The following TNIP3 variants were observed in gnomAD, a reference collection of about 807,000 sequenced individuals.
TNIP3 encodes the protein TNFAIP3-interacting protein 3.
TNIP3 carries 34 observed loss-of-function variants against 54.1 expected under a neutral mutation model. The observed-to-expected ratio is 0.63, with a 90% CI of 0.48 to 0.84. The LOEUF is 0.84. Ranked by LOEUF, TNIP3 falls within the 40% of genes least tolerant of loss-of-function variation. TNIP3 has a pLI of 0.00. For missense variants in TNIP3, 366 were observed against 387.6 expected (o/e 0.94, Z 0.47); for synonymous variants, 134 against 136.8 (o/e 0.98, Z 0.14).
At position 121,157,310 on chromosome 4, in the gene TNIP3, C is replaced by A; in HGVS notation, c.214-67G>T. On this transcript the variant is annotated intron_variant, in intron 3 of 10. Coordinates refer to ENST00000057513, the MANE Select transcript of TNIP3 (RefSeq NM_024873.6). ...AAGCTCACAAGCCCCTGGATTTATT[C>A]CCAGGCTATGAACTTTGGCAGAAAC... 3.1e-6 allele frequency: 5 copies of A among 1,605,540 alleles called. No individual in the cohort carries two copies. In the South Asian group the frequency reaches 5.5e-5, roughly 18 times the overall value.
intron 2 of TNIP3, among the ~76,000 whole-genome samples, chr4:121,183,773 C>T (rs148976858): frequency 0.019 from 2,812 of 151,994 alleles, 60 homozygotes; most frequent in Admixed American, 0.029. Flanking sequence ...CTGCCTGCTC[C>T]TTATGAGAAT....
chr4:121,142,580 G>C, intron 8 of TNIP3, 146 bp downstream of exon 8: 2 of 718,466 alleles, frequency 2.8e-6, no homozygotes, highest in South Asian at 1.8e-5. Flanking sequence ...CCTAAGCACT[G>C]TCTATCCGTT....
At chr4:121,190,712 G>A (rs899027410) in intron 2 of TNIP3, among the ~76,000 whole-genome samples, 4 of 152,112 alleles carry the variant, frequency 2.6e-5, no homozygotes, top group African/African-American at 9.7e-5. Context: ...GCCATAGTCA[G>A]GCCAATACTC....
rs751013714 is a variant in TNIP3, at chr4:121,154,597, T to G, written c.446A>C (p.Asn149Thr). ...ACATTCGTAATGTTCCTTTTCCTTG[T>G]TCGCAAGAGTATTTTTTCCCTTTAA... The part of the protein sequence containing the change: ...KLLKGKNTLA[N>T]KEKEHYECEI... The change falls in exon 5 of 11, where the codon AAC becomes ACC. Residue 149 changes from asparagine (N) to threonine (T), a missense_variant. Transcript: ENST00000057513. 2.7e-5 allele frequency: 44 copies of G among 1,613,842 alleles called. No homozygotes were observed. The highest frequency in any genetic ancestry group is 3.6e-5 in the Non-Finnish European group (43 of 1,179,988).
intron 3 of TNIP3, among the ~76,000 whole-genome samples, chr4:121,173,787 C>G (rs1366310898): frequency 6.6e-6 from 1 of 152,094 alleles, no homozygotes; most frequent in Non-Finnish European, 1.5e-5. Context: ...TGTCACCATG[C>G]CCAGCTAATT....
At chr4:121,192,178 G>C (rs1725339638) in intron 2 of TNIP3, among the ~76,000 whole-genome samples, 1 of 152,114 alleles carries the variant, frequency 6.6e-6, no homozygotes, top group Non-Finnish European at 1.5e-5. Context: ...ACAAAAAAGA[G>C]ATGCCGAGCC....
upstream of TNIP3, chr4:121,227,475 A>C: frequency 8.4e-7 from 1 of 1,189,448 alleles, no homozygotes; most frequent in Non-Finnish European, 1.2e-6. Context: ...TTTGAATCAA[A>C]CAGTAACTAA....
chr4:121,225,547 C>T (rs1165741174), intron 1 of TNIP3, among the ~76,000 whole-genome samples: 4 of 152,168 alleles, frequency 2.6e-5, no homozygotes, highest in South Asian at 4.1e-4. Context: ...CAACTCCAAA[C>T]AGATGGGAGT....
upstream of TNIP3, among the ~76,000 whole-genome samples, chr4:121,218,077 A>G (rs1230122403): frequency 1.3e-5 from 2 of 152,198 alleles, no homozygotes; most frequent in African/African-American, 4.8e-5. Flanking sequence ...TATACAGAGG[A>G]AATTTTAAGT....
intron 2 of TNIP3, chr4:121,192,903 C>T (rs1373267119): frequency 2.6e-5 from 4 of 152,146 alleles, no homozygotes; most frequent in Non-Finnish European, 5.9e-5. Flanking sequence ...GAAGTGAGCA[C>T]AATTATTTAT....
chr4:121,152,953 AAAGT>A (rs1729849350), intron 5 of TNIP3, among the ~76,000 whole-genome samples: 2 of 152,164 alleles, frequency 1.3e-5, no homozygotes, highest in Non-Finnish European at 2.9e-5. Context: ...GAAAACAAAT[AAAGT>A]CATAAAAGTT....
At chr4:121,208,715 T>C (rs1188969084) in intron 2 of TNIP3, among the ~76,000 whole-genome samples, 1 of 152,146 alleles carries the variant, frequency 6.6e-6, no homozygotes, top group Non-Finnish European at 1.5e-5. Flanking sequence ...TGTGATATAA[T>C]AAAAAATACA....
chr4:121,132,651 C>A lies in TNIP3; in HGVS notation c.958G>T (p.Val320Leu). The part of the protein sequence containing the change: ...VQHKANGLSS[V>L]KKVHP ...TACTTCTACGGATGGACTTTCTTTACTGAGGATAAACCTATGGAAAACAGT... is the reference window on the plus strand; with the variant it reads ...TACTTCTACGGATGGACTTTCTTTAATGAGGATAAACCTATGGAAAACAGT... Residue 320 changes from valine to leucine, a missense_variant, in exon 11 of 11, where the codon GTA (valine) becomes TTA (leucine). Coordinates refer to ENST00000057513, the MANE Select transcript of TNIP3 (RefSeq NM_024873.6). 6.2e-7 allele frequency: 1 copy of A among 1,612,414 alleles called. No homozygotes were observed. Among genetic ancestry groups the A allele is most frequent in the Non-Finnish European group, 8.5e-7 (1 of 1,178,822 alleles).
intron 9 of TNIP3, among the ~76,000 whole-genome samples, chr4:121,140,468 T>G (rs558025151): frequency 2.0e-5 from 3 of 152,218 alleles, no homozygotes; most frequent in Non-Finnish European, 4.4e-5. Flanking sequence ...TTAATTGACA[T>G]GGACTGTTTG....
intron 2 of TNIP3, among the ~76,000 whole-genome samples, chr4:121,202,087 A>T (rs1579485976): frequency 1.3e-5 from 2 of 152,174 alleles, no homozygotes; most frequent in Admixed American, 1.3e-4. Context: ...CCAAAAAAAG[A>T]GCCCACACAG....
At chr4:121,169,528 G>C (rs1004495192) in intron 3 of TNIP3, among the ~76,000 whole-genome samples, 2 of 152,020 alleles carry the variant, frequency 1.3e-5, no homozygotes, top group African/African-American at 4.8e-5. Context: ...AGCAACTTTT[G>C]TGTGTTGTGT....
chr4:121,218,871 T>C (rs1726916800), upstream of TNIP3, among the ~76,000 whole-genome samples: 1 of 152,038 alleles, frequency 6.6e-6, no homozygotes, highest in Non-Finnish European at 1.5e-5. Context: ...TATAGCCACA[T>C]AAAATTTCTG....
chr4:121,221,973 C>T (rs1480168985), intron 1 of TNIP3, among the ~76,000 whole-genome samples: 1 of 152,188 alleles, frequency 6.6e-6, no homozygotes, highest in East Asian at 1.9e-4. Context: ...AACCAGGAGT[C>T]AGGAGACTAA....
intron 7 of TNIP3, among the ~76,000 whole-genome samples, chr4:121,144,562 C>T (rs1729320511): frequency 6.6e-6 from 1 of 152,162 alleles, no homozygotes; most frequent in African/African-American, 2.4e-5. Context: ...CCACCATGCC[C>T]AGCTAATTTT....
Sources: allele counts gnomAD v4.1 joint callset (sites outside exome capture counted in the v4.1 genomes callset), GRCh38; gene constraint gnomAD v4.1.1; transcripts MANE v1.5; gene names NCBI Gene and HGNC (gene_info 2026-07-23, HGNC 2026-07-21).